The following PCDH15 variants were observed in gnomAD, a reference collection of about 807,000 sequenced individuals.
The protein encoded by PCDH15 is protocadherin related 15, also known as protocadherin-15.
A neutral mutation model predicts 178.5 loss-of-function variants in PCDH15; 129 were observed. The observed-to-expected ratio is 0.72, with a 90% confidence interval of 0.63 to 0.84. The LOEUF is 0.84. PCDH15 is among the 40% of genes least tolerant of loss of function. The pLI, the probability that PCDH15 is intolerant of heterozygous loss-of-function variation, is 0.00. For missense variants in PCDH15, 2,230 were observed against 2,099.9 expected, an observed-to-expected ratio of 1.06 and a Z score of -1.21; for synonymous variants, 800 against 732.0, an observed-to-expected ratio of 1.09 and a Z score of -1.50.
chr10:55,426,170 A>G (rs1237680888), intron 2 of PCDH15, among the ~76,000 whole-genome samples: 2 of 152,198 alleles, frequency 1.3e-5, no homozygotes, highest in Non-Finnish European at 2.9e-5. Flanking sequence ...TTTTTGAAGT[A>G]CATGTTTATA....
rs114182205 is a variant in PCDH15, at chr10:54,637,368, A to C, written c.91+26804T>G. ...TATAGTTCTGTGAGTCATCAGTCTC[A>C]TTAGCCTAAAATCGAGGTGTGGACA... On this transcript the variant is annotated intron_variant, in intron 2 of 37. Transcript: ENST00000644397. Among the ~76,000 whole-genome samples, 615 of 152,084 alleles carry C rather than the reference A, an allele frequency of 4.0e-3. 2 individuals carry two copies. Among genetic ancestry groups the C allele is most frequent in the African/African-American group, 0.014 (593 of 41,520 alleles).
chr10:53,811,262 C>A (rs2075853690), intron 36 of PCDH15, among the ~76,000 whole-genome samples: 14 of 152,088 alleles, frequency 9.2e-5, no homozygotes. Flanking sequence ...AGGAATTGAG[C>A]AAATATGTTT....
chr10:54,878,816 C>G (rs1284254423), intron 3 of PCDH15, among the ~76,000 whole-genome samples: 1 of 152,030 alleles, frequency 6.6e-6, no homozygotes, highest in Non-Finnish European at 1.5e-5. Context: ...CCTTGATGCT[C>G]TCCCTCCCCC....
At chr10:54,003,815 C>A (rs1027439611) in intron 20 of PCDH15, among the ~76,000 whole-genome samples, 2 of 145,396 alleles carry the variant, frequency 1.4e-5, no homozygotes, top group Admixed American at 1.4e-4. Flanking sequence ...ATACTGATAC[C>A]AAAGCTAGAC....
At chr10:55,472,561 A>C (rs1193778332) in intron 2 of PCDH15, among the ~76,000 whole-genome samples, 2 of 151,300 alleles carry the variant, frequency 1.3e-5, no homozygotes, top group Admixed American at 1.3e-4. Flanking sequence ...GAAAAAACAC[A>C]TGAACTTTTT....
chr10:54,898,036 T>C (rs1474271287), intron 2 of PCDH15, among the ~76,000 whole-genome samples: 2 of 152,106 alleles, frequency 1.3e-5, no homozygotes, highest in African/African-American at 2.4e-5. Flanking sequence ...TGGGAGGTAT[T>C]TGAGTCATGA....
At chr10:55,062,813 A>C (rs946369924) in intron 2 of PCDH15, among the ~76,000 whole-genome samples, 3 of 152,148 alleles carry the variant, frequency 2.0e-5, no homozygotes, top group African/African-American at 7.2e-5. Flanking sequence ...TATTGGTAAT[A>C]GTGGAGGTTG....
intron 8 of PCDH15, among the ~76,000 whole-genome samples, chr10:54,300,457 C>A (rs73243251): frequency 0.034 from 5,124 of 152,254 alleles, 287 homozygotes; most frequent in African/African-American, 0.12. Flanking sequence ...ACCGAGGATC[C>A]CTGGACTGAC....
chr10:54,397,474 T>C (rs1436951615), intron 3 of PCDH15, among the ~76,000 whole-genome samples: 1 of 152,114 alleles, frequency 6.6e-6, no homozygotes, highest in Non-Finnish European at 1.5e-5. Context: ...CTATCCACTA[T>C]TGCAATAGCC....
At chr10:54,873,785 G>A (rs1201878394) in intron 3 of PCDH15, among the ~76,000 whole-genome samples, 2 of 146,944 alleles carry the variant, frequency 1.4e-5, no homozygotes, top group Non-Finnish European at 3.0e-5. Flanking sequence ...GTGTGTGTGT[G>A]TATATATATA....
intron 3 of PCDH15, among the ~76,000 whole-genome samples, chr10:54,398,649 C>A (rs1385660050): frequency 6.6e-6 from 1 of 151,854 alleles, no homozygotes; most frequent in African/African-American, 2.4e-5. Flanking sequence ...GTATCTTATT[C>A]TTGTGCAACC....
chr10:55,227,157 G>A (rs1841071608), intron 1 of PCDH15, among the ~76,000 whole-genome samples: 1 of 151,888 alleles, frequency 6.6e-6, no homozygotes, highest in African/African-American at 2.4e-5. Context: ...ACATCATAGA[G>A]CAGACATTAA....
chr10:54,716,305 G>A lies in PCDH15; in HGVS notation c.-28-52015C>T, dbSNP rs1438435476. Reference sequence around the variant, plus strand: ...ATACCCACCTATTTTGACCACAGGTGGCTCATACCCATAAGTGACACCTAC... The same window carrying A: ...ATACCCACCTATTTTGACCACAGGTAGCTCATACCCATAAGTGACACCTAC... On this transcript the variant is annotated intron_variant, in intron 1 of 37. Coordinates refer to ENST00000644397, the MANE Select transcript of PCDH15 (RefSeq NM_001384140.1). Among the ~76,000 whole-genome samples, 6 of 152,180 alleles carry A rather than the reference G, an allele frequency of 3.9e-5. No individual in the cohort carries two copies. The South Asian group carries it at 8.3e-4, about 21-fold the overall frequency.
rs531096272 is a variant in PCDH15, at chr10:54,466,208, T to G, written c.157+61604A>C. Reference sequence around the variant, plus strand: ...TTAGCTGTGCAGAAATTTTTCTGTTTTTGTTGCTTGTGTTTTTTTAGGTCT... The same window carrying G: ...TTAGCTGTGCAGAAATTTTTCTGTTGTTGTTGCTTGTGTTTTTTTAGGTCT... On this transcript the variant is annotated intron_variant, in intron 3 of 37. Transcript: ENST00000644397. 3.9e-5 allele frequency among the ~76,000 whole-genome samples: 6 copies of G among 152,072 alleles called. No homozygotes were observed. In the South Asian group the frequency reaches 1.2e-3, roughly 31 times the overall value.
At chr10:54,637,403 C>G (rs558545279) in intron 2 of PCDH15, among the ~76,000 whole-genome samples, 1 of 151,946 alleles carries the variant, frequency 6.6e-6, no homozygotes, top group African/African-American at 2.4e-5. Context: ...AGGACTATAT[C>G]CCTTCTGTAG....
At position 55,424,324 on chromosome 10, in the gene PCDH15, C is replaced by A. The variant is rs192737679; in HGVS notation, c.-156+203301G>T. Among the ~76,000 whole-genome samples the A allele has an allele frequency of 9.2e-5, 14 of 152,158 alleles. No homozygotes were observed. The East Asian group carries it at 2.3e-3, about 25-fold the overall frequency. On this transcript the variant is annotated intron_variant, in intron 2 of 5. Transcript: ENST00000613346. The stretch of plus-strand genomic sequence containing the variant: ...GGTGATGTCAGGGGGTATCATGAGA[C>A]CCTACTTGGCTTATCTTTCTTACAC...
chr10:55,340,109 T>C (rs1291043998), intron 2 of PCDH15, among the ~76,000 whole-genome samples: 1 of 151,532 alleles, frequency 6.6e-6, no homozygotes, highest in East Asian at 1.9e-4. Flanking sequence ...GAAAAAAGTA[T>C]AGATTCTACA....
At chr10:55,519,027 G>A (rs981078575) in intron 2 of PCDH15, among the ~76,000 whole-genome samples, 32 of 142,252 alleles carry the variant, frequency 2.2e-4, no homozygotes, top group African/African-American at 7.8e-4. Context: ...CAGGGAAGCC[G>A]AGATTGCATT....
intron 2 of PCDH15, among the ~76,000 whole-genome samples, chr10:55,160,616 G>A (rs1839040380): frequency 2.6e-5 from 4 of 151,952 alleles, no homozygotes; most frequent in Non-Finnish European, 2.9e-5. Context: ...TCATGCTAAC[G>A]TTCTTCAGCA....
Sources: gnomAD v4.1 joint callset for allele counts (sites outside exome capture counted in the v4.1 genomes callset) on GRCh38, gnomAD v4.1.1 for gene constraint, MANE v1.5 for transcripts, NCBI Gene and HGNC (gene_info 2026-07-23, HGNC 2026-07-21) for gene names.